The following NDST3 variants were observed in gnomAD, a reference collection of about 807,000 sequenced individuals.
NDST3 encodes bifunctional heparan sulfate N-deacetylase/N-sulfotransferase 3.
NDST3 carries 58 observed loss-of-function variants against 96.1 expected under a neutral mutation model. The ratio of observed to expected loss-of-function variants is 0.60; its 90% CI spans 0.49 to 0.75. NDST3 has a LOEUF of 0.75. Among genes scored for constraint, NDST3 ranks in the 30% least tolerant of loss-of-function variants. The pLI is 0.00. For synonymous variants in NDST3, 333 were observed against 359.7 expected (o/e 0.93, Z 0.84); for missense variants, 788 against 1,034.2 (o/e 0.76, Z 3.27).
chr4:118,212,789 C>A (rs1738892075), intron 6 of NDST3, among the ~76,000 whole-genome samples: 2 of 152,084 alleles, frequency 1.3e-5, no homozygotes, highest in Non-Finnish European at 1.5e-5. Flanking sequence ...ACATGCCTTC[C>A]TCAGAATAGA....
chr4:118,241,226 C>T (rs912830623), intron 11 of NDST3, among the ~76,000 whole-genome samples: 3 of 152,190 alleles, frequency 2.0e-5, no homozygotes, highest in Non-Finnish European at 4.4e-5. Flanking sequence ...ATGACAGCCA[C>T]TACCACATAT....
At chr4:118,179,616 G>A (rs1578774689) in intron 6 of NDST3, among the ~76,000 whole-genome samples, 3 of 151,870 alleles carry the variant, frequency 2.0e-5, no homozygotes, top group African/African-American at 7.3e-5. Flanking sequence ...CTATTATTGT[G>A]TTTAATATAT....
At chr4:118,151,897 A>G (rs1273120992) in intron 6 of NDST3, among the ~76,000 whole-genome samples, 1 of 152,152 alleles carries the variant, frequency 6.6e-6, no homozygotes, top group Admixed American at 6.5e-5. Flanking sequence ...GCGTTTCTAT[A>G]GCATCCTCTG....
chr4:118,179,155 C>T (rs995996428), intron 6 of NDST3, among the ~76,000 whole-genome samples: 1 of 151,972 alleles, frequency 6.6e-6, no homozygotes, highest in African/African-American at 2.4e-5. Flanking sequence ...TGACCTTTGC[C>T]CTGGGGGGAG....
chr4:118,129,156 T>A lies in NDST3; in HGVS notation c.1225-8898T>A, dbSNP rs537505098. On this transcript the variant is annotated intron_variant, in intron 4 of 13. Transcript: ENST00000296499. ...AATCCTTTTTGTTTCATTGACTTTT[T>A]TGTATTGTTTTCTTCATTTCAATTT... is the stretch of plus-strand genomic sequence containing the variant. Among the ~76,000 whole-genome samples, 3 of 152,114 alleles carry A rather than the reference T, an allele frequency of 2.0e-5. No homozygotes were observed. The South Asian group carries it at 6.2e-4, about 32-fold the overall frequency.
rs1300702283 is a variant in NDST3, at chr4:118,236,194, T to TA, written c.1944-846dup. ...AGAAGCTATATTTTTACAGTCACTCTAAAAAATCCCTTTTCCTCTAAAGGA... is the reference window on the plus strand; with the variant it reads ...AGAAGCTATATTTTTACAGTCACTCTAAAAAAATCCCTTTTCCTCTAAAGGA... On this transcript the variant is annotated intron_variant, in intron 9 of 13. Transcript: ENST00000296499. Among the ~76,000 whole-genome samples, 8 of 152,222 alleles carry TA rather than the reference T, an allele frequency of 5.3e-5. 1 individual carries two copies. Among genetic ancestry groups the TA allele is most frequent in the South Asian group, 2.1e-4 (1 of 4,836 alleles).
chr4:118,129,455 T>C (rs1578692604), intron 4 of NDST3, among the ~76,000 whole-genome samples: 1 of 152,064 alleles, frequency 6.6e-6, no homozygotes, highest in African/African-American at 2.4e-5. Context: ...CCACTGATCA[T>C]TCAAGAGCAT....
chr4:118,250,907 C>T (rs1741663970), intron 12 of NDST3, among the ~76,000 whole-genome samples: 1 of 151,206 alleles, frequency 6.6e-6, no homozygotes, highest in South Asian at 2.1e-4. Flanking sequence ...CTGTGGTTTC[C>T]CTTTTCATTT....
intron 6 of NDST3, among the ~76,000 whole-genome samples, chr4:118,171,617 C>G (rs566418145): frequency 5.3e-5 from 8 of 152,238 alleles, no homozygotes. Flanking sequence ...AATTTCCTAT[C>G]TTGGGTGGAG....
chr4:118,255,392 T>C (rs1196573326), intron 13 of NDST3, among the ~76,000 whole-genome samples: 2 of 151,958 alleles, frequency 1.3e-5, no homozygotes, highest in East Asian at 3.9e-4. Context: ...ACCACACCTT[T>C]TGCCTCTTCC....
chr4:118,101,296 T>A lies in NDST3; in HGVS notation c.982-3722T>A, dbSNP rs565179783. Among the ~76,000 whole-genome samples the A allele has an allele frequency of 2.6e-5, 4 of 152,130 alleles. No homozygotes were observed. The South Asian group carries it at 8.3e-4, about 32-fold the overall frequency. ...GTTCTCAGAACTCAGATTCTTTAAATTAGTTCTTTTTTGTCTTCAACTAGA... is the reference window on the plus strand; with the variant it reads ...GTTCTCAGAACTCAGATTCTTTAAAATAGTTCTTTTTTGTCTTCAACTAGA... On this transcript the variant is annotated intron_variant, in intron 2 of 13. Coordinates refer to ENST00000296499, the MANE Select transcript of NDST3 (RefSeq NM_004784.3).
intron 2 of NDST3, among the ~76,000 whole-genome samples, chr4:118,065,788 TCTGTTCATCC>T (rs1316261843): frequency 6.6e-6 from 1 of 151,770 alleles, no homozygotes; most frequent in Non-Finnish European, 1.5e-5. Context: ...TGGTGTTTTA[TCTGTTCATCC>T]CTTCTGTCTT....
At chr4:118,108,736 T>C (rs1730404319) in intron 3 of NDST3, among the ~76,000 whole-genome samples, 3 of 152,192 alleles carry the variant, frequency 2.0e-5, no homozygotes, top group Admixed American at 2.0e-4. Flanking sequence ...ATATGTATAA[T>C]CATACAACTA....
intron 6 of NDST3, chr4:118,193,796 T>C: frequency 1.3e-6 from 2 of 1,487,246 alleles, no homozygotes; most frequent in Non-Finnish European, 1.8e-6. Flanking sequence ...TAGTTTCAGA[T>C]GACACATGGC....
chr4:118,120,637 A>C (rs1731489845), intron 4 of NDST3, among the ~76,000 whole-genome samples: 1 of 152,172 alleles, frequency 6.6e-6, no homozygotes, highest in Admixed American at 6.5e-5. Flanking sequence ...TAGCCTGAGA[A>C]CAGCAATCTC....
chr4:118,058,616 TGTGTGTGTGTGTGTGTGTGCGCGCGCGC>T (rs1050949585), intron 2 of NDST3, among the ~76,000 whole-genome samples: 17 of 36,558 alleles, frequency 4.7e-4, no homozygotes, highest in Non-Finnish European at 1.9e-3. Context: ...TGTGTGTGTG[TGTGTGTGTGTGTGTGTGTGCGCGCGCGC>T]GCACGCATGC....
At chr4:118,161,655 T>C (rs1735147358) in intron 6 of NDST3, among the ~76,000 whole-genome samples, 1 of 152,142 alleles carries the variant, frequency 6.6e-6, no homozygotes, top group Admixed American at 6.5e-5. Context: ...CGAGACTCCA[T>C]GGGTGTAGGA....
intron 5 of NDST3, among the ~76,000 whole-genome samples, chr4:118,143,275 G>C (rs960329209): frequency 2.2e-4 from 34 of 151,600 alleles, no homozygotes; most frequent in Admixed American, 2.6e-4. Flanking sequence ...AACCTACTAG[G>C]CTTCATAAAA....
intron 6 of NDST3, among the ~76,000 whole-genome samples, chr4:118,206,390 G>A (rs1022385380): frequency 6.9e-6 from 1 of 144,772 alleles, no homozygotes; most frequent in Non-Finnish European, 1.5e-5. Context: ...CTTGAAAGTT[G>A]ATAGGATTTA....
Sources: gnomAD v4.1 joint callset for allele counts (sites outside exome capture counted in the v4.1 genomes callset) on GRCh38, gnomAD v4.1.1 for gene constraint, MANE v1.5 for transcripts, NCBI Gene and HGNC (gene_info 2026-07-23, HGNC 2026-07-21) for gene names.